UBE3C: variants seen among roughly 807,000 people sequenced by gnomAD.
UBE3C encodes ubiquitin-protein ligase E3C.
A neutral mutation model predicts 129.4 loss-of-function variants in UBE3C; 42 were observed. That is an observed-to-expected ratio of 0.32 (90% CI 0.25 to 0.42). The LOEUF (loss-of-function observed/expected upper bound fraction) is 0.42. UBE3C is among the 10% of genes least tolerant of loss of function. The pLI is 1.00. For missense variants in UBE3C, 1,049 were observed against 1,319.1 expected, an observed-to-expected ratio of 0.80 and a Z score of 3.17; for synonymous variants, 510 against 492.4, an observed-to-expected ratio of 1.04 and a Z score of -0.47.
intron 18 of UBE3C, among the ~76,000 whole-genome samples, chr7:157,242,792 C>G (rs1421389894): frequency 6.6e-6 from 1 of 152,052 alleles, no homozygotes; most frequent in Non-Finnish European, 1.5e-5. Context: ...TCTGGTGGCT[C>G]AAGCCTGTAA....
In UBE3C at chr7:157,248,528, A is replaced by T; in HGVS notation, c.2642A>T (p.Glu881Val). Residue 881 changes from glutamate (E) to valine (V), a missense_variant, in exon 19 of 23, where the codon GAG becomes GTG. By Grantham distance (121) the Glu-to-Val change is moderately radical (BLOSUM62 -2). Transcript: ENST00000348165. ...LFLKSYEDDV[E>V]ELGLNFTVVN... ...CTGAAGAGCTACGAAGACGATGTGGAGGAGCTTGGGCTGAACTTCACTGTG... is the reference window on the plus strand; with the variant it reads ...CTGAAGAGCTACGAAGACGATGTGGTGGAGCTTGGGCTGAACTTCACTGTG... The T allele has an allele frequency of 6.2e-7, 1 of 1,612,978 alleles. No individual in the cohort carries two copies. Among genetic ancestry groups the T allele is most frequent in the Non-Finnish European group, 8.5e-7 (1 of 1,180,020 alleles).
At chr7:157,218,581 G>A (rs771869250) in intron 14 of UBE3C, among the ~76,000 whole-genome samples, 1 of 152,182 alleles carries the variant, frequency 6.6e-6, no homozygotes, top group Non-Finnish European at 1.5e-5. Flanking sequence ...ATCTAACTCT[G>A]CCCACTGACA....
intron 10 of UBE3C, among the ~76,000 whole-genome samples, chr7:157,201,053 G>A (rs1237059875): frequency 6.6e-6 from 1 of 152,202 alleles, no homozygotes; most frequent in African/African-American, 2.4e-5. Flanking sequence ...GCCAGGTGCA[G>A]TGGCACACAC....
At chr7:157,187,147 C>T (rs972398132) in intron 10 of UBE3C, 126 bp downstream of exon 10, 17 of 1,152,146 alleles carry the variant, frequency 1.5e-5, no homozygotes, top group Non-Finnish European at 1.9e-5. Flanking sequence ...GGATATTCTA[C>T]TGTCCAAGCG....
At chr7:157,194,494 T>A (rs1400200774) in intron 10 of UBE3C, among the ~76,000 whole-genome samples, 2 of 152,116 alleles carry the variant, frequency 1.3e-5, no homozygotes, top group Admixed American at 6.5e-5. Context: ...CTGTAACAAA[T>A]ATCTAAAAAT....
At chr7:157,230,416 G>A (rs1795991261) in intron 17 of UBE3C, among the ~76,000 whole-genome samples, 1 of 151,588 alleles carries the variant, frequency 6.6e-6, no homozygotes, top group African/African-American at 2.4e-5. Flanking sequence ...AAAATTACAG[G>A]CCGGGCACGG....
chr7:157,242,382 G>A (rs1270779833), intron 18 of UBE3C, among the ~76,000 whole-genome samples: 3 of 152,160 alleles, frequency 2.0e-5, no homozygotes, highest in South Asian at 2.1e-4. Flanking sequence ...GAGGTGGCTC[G>A]ACAGATTTCT....
At chr7:157,231,403 C>G in intron 18 of UBE3C, 76 bp downstream of exon 18, 1 of 1,557,006 alleles carries the variant, frequency 6.4e-7, no homozygotes, top group Non-Finnish European at 8.7e-7. Flanking sequence ...TGGTTGTTAT[C>G]CAGGTTTACC....
intron 13 of UBE3C, among the ~76,000 whole-genome samples, chr7:157,212,279 A>C (rs1406146983): frequency 1.3e-5 from 2 of 152,218 alleles, no homozygotes; most frequent in East Asian, 3.8e-4. Context: ...TAAAAAAGAT[A>C]CTTTTATTTT....
chr7:157,205,284 C>A (rs898976308), intron 11 of UBE3C, among the ~76,000 whole-genome samples: 4 of 152,110 alleles, frequency 2.6e-5, no homozygotes, highest in Non-Finnish European at 4.4e-5. Flanking sequence ...TTGCTTGTTT[C>A]ACAGGGGGTT....
Position 157,231,288 on chromosome 7 carries a change from T to G in UBE3C, c.2442T>G (p.Phe814Leu), listed in dbSNP as rs550084774. 2 of 1,614,162 alleles carry G rather than the reference T, an allele frequency of 1.2e-6. No homozygotes were observed. Among genetic ancestry groups the G allele is most frequent in the Non-Finnish European group, 1.7e-6 (2 of 1,180,016 alleles). The change falls in exon 18 of 23, where the codon TTT becomes TTG. Residue 814 changes from phenylalanine to leucine, a missense_variant. Physicochemically the swap from Phe to Leu is conservative, Grantham distance 22 (BLOSUM62 0). Coordinates refer to ENST00000348165, the MANE Select transcript of UBE3C (RefSeq NM_014671.3). ...PAAQMLVGDSFARHYYFLGRM... is the reference protein window; with the variant it reads ...PAAQMLVGDSLARHYYFLGRM... ...CTCAGATGCTTGTGGGAGATTCTTT[T>G]GCCAGACATTACTACTTCCTAGGCA...
Position 157,247,176 on chromosome 7 carries a change from G to A in UBE3C, c.2482-1192G>A, listed in dbSNP as rs572025235. 2.2e-4 allele frequency among the ~76,000 whole-genome samples: 33 copies of A among 152,080 alleles called. 1 individual carries two copies. In the South Asian group the frequency reaches 5.6e-3, roughly 26 times the overall value. On this transcript the variant is annotated intron_variant, in intron 18 of 22. Coordinates refer to ENST00000348165, the MANE Select transcript of UBE3C (RefSeq NM_014671.3). ...GCTGGGATTACAGGCGTGAGCCACCGCACCTGGCCTGACTAGATATATTCT... is the reference window on the plus strand; with the variant it reads ...GCTGGGATTACAGGCGTGAGCCACCACACCTGGCCTGACTAGATATATTCT...
intron 1 of UBE3C, among the ~76,000 whole-genome samples, chr7:157,153,672 G>A (rs1283089077): frequency 2.6e-5 from 4 of 152,124 alleles, no homozygotes; most frequent in African/African-American, 4.8e-5. Flanking sequence ...TCTAAGAATG[G>A]TTGCGTTTCT....
At chr7:157,185,173 C>T (rs1219136127) in intron 9 of UBE3C, among the ~76,000 whole-genome samples, 2 of 152,222 alleles carry the variant, frequency 1.3e-5, no homozygotes, top group Admixed American at 1.3e-4. Context: ...GAAGATGAGG[C>T]TGTGGGCTTT....
intron 17 of UBE3C, among the ~76,000 whole-genome samples, chr7:157,227,019 G>C (rs1795897048): frequency 6.6e-6 from 1 of 152,168 alleles, no homozygotes; most frequent in South Asian, 2.1e-4. Flanking sequence ...TTTATTAGCA[G>C]ATTTCACGTT....
At chr7:157,165,538 C>T (rs574460323) in intron 2 of UBE3C, among the ~76,000 whole-genome samples, 1 of 151,894 alleles carries the variant, frequency 6.6e-6, no homozygotes, top group Non-Finnish European at 1.5e-5. Flanking sequence ...GCTGGGACTA[C>T]AGGTGCACGC....
At position 157,153,261 on chromosome 7, in the gene UBE3C, C is replaced by T. The variant is rs564401184; in HGVS notation, c.67-10549C>T. Among the ~76,000 whole-genome samples the T allele has an allele frequency of 2.4e-4, 36 of 152,176 alleles. No individual in the cohort carries two copies. The South Asian group carries it at 4.6e-3, about 19-fold the overall frequency. Reference sequence around the variant, plus strand: ...ATTATTTTAGAGCTGTGTGAGCAGACGCTAGATTGTTGGCAGTTAGTATGG... The same window carrying T: ...ATTATTTTAGAGCTGTGTGAGCAGATGCTAGATTGTTGGCAGTTAGTATGG... On this transcript the variant is annotated intron_variant, in intron 1 of 22. Transcript: ENST00000348165.
rs1796100487 is a variant in UBE3C at position 157,234,418 on chromosome 7, C to T, written c.2481+3091C>T. On this transcript the variant is annotated intron_variant, in intron 18 of 22. Transcript: ENST00000348165. ...GAAAATTAGTTGACCGTACACGTAA[C>T]ACTCTGGGTCTGCCCTTATGCAGTA... 1.3e-5 allele frequency among the ~76,000 whole-genome samples: 2 copies of T among 152,226 alleles called. 1 individual carries two copies. Among genetic ancestry groups the T allele is most frequent in the Admixed American group, 1.3e-4 (2 of 15,286 alleles).
chr7:157,192,191 A>G (rs1808986831), intron 10 of UBE3C, among the ~76,000 whole-genome samples: 1 of 152,222 alleles, frequency 6.6e-6, no homozygotes, highest in African/African-American at 2.4e-5. Context: ...TTCTTAGAAC[A>G]TTTGTGAATG....
Sources: allele counts gnomAD v4.1 joint callset (sites outside exome capture counted in the v4.1 genomes callset), GRCh38; gene constraint gnomAD v4.1.1; transcripts MANE v1.5; gene names NCBI Gene and HGNC (gene_info 2026-07-23, HGNC 2026-07-21).